The following DNHD1 variants were observed in gnomAD, a reference collection of about 807,000 sequenced individuals.
DNHD1 encodes dynein heavy chain domain 1.
A neutral mutation model predicts 458.1 loss-of-function variants in DNHD1; 383 were observed. The observed-to-expected ratio is 0.84, with a 90% CI of 0.77 to 0.91. The LOEUF (loss-of-function observed/expected upper bound fraction) is 0.91, where lower values mean the gene tolerates loss of function less well. Among genes scored for constraint, DNHD1 ranks in the 40% least tolerant of loss-of-function variants. DNHD1 has a pLI of 0.00. For synonymous variants in DNHD1, 2,203 were observed against 2,376.9 expected (o/e 0.93, Z 2.13); for missense variants, 5,336 against 5,866.1 (o/e 0.91, Z 2.95).
chr11:6,570,099 T>C lies in DNHD1; in HGVS notation c.12954T>C (p.Ala4318=), dbSNP rs1458963924. Residue 4318 remains alanine, a splice_region_variant and synonymous_variant, in exon 40 of 43, where the codon GCT becomes GCC. Transcript: ENST00000254579. ...SNPRAAMQEL[A]ASVFYGGPLG... ...CCCGTGCTGCCATGCAAGAGCTGGC[T>C]GGTGAGACCCTTCCTCTCCCCCTTG... The C allele has an allele frequency of 3.1e-6, 5 of 1,613,732 alleles. No individual in the cohort carries two copies. In the Admixed American group the frequency reaches 8.3e-5, roughly 27 times the overall value.
chr11:6,508,098 T>C (rs1852262604), intron 4 of DNHD1: 1 of 152,154 alleles, frequency 6.6e-6, no homozygotes, highest in South Asian at 2.1e-4. Flanking sequence ...CTCTGAGTTA[T>C]ATAAAGAAAA....
intron 14 of DNHD1, among the ~76,000 whole-genome samples, chr11:6,535,281 A>T (rs930759762): frequency 6.6e-6 from 1 of 152,258 alleles, no homozygotes; most frequent in Admixed American, 6.5e-5. Context: ...ATACGCATGT[A>T]ACTGTGTGTT....
In DNHD1 at chr11:6,564,684, C is replaced by T. The variant is rs1853659415; in HGVS notation, c.10636C>T (p.His3546Tyr). Reference sequence around the variant, plus strand: ...AGGCTTGCTTCTGCGAAGCCCCACACACTACAGTAGTTGCCGTTGGCCTCT... The same window carrying T: ...AGGCTTGCTTCTGCGAAGCCCCACATACTACAGTAGTTGCCGTTGGCCTCT... ...LAGLLLRSPT[H>Y]YSSCRWPLLL... Residue 3546 changes from histidine to tyrosine, a missense_variant, in exon 32 of 43, where the codon CAC (histidine) becomes TAC (tyrosine). Around this residue, in one of 4 missense-constraint regions of DNHD1, gnomAD observed 3,932 missense variants for 4,365.6 expected, o/e 0.90. Transcript: ENST00000254579. 3 of 1,551,602 alleles carry T rather than the reference C, an allele frequency of 1.9e-6. No homozygotes were observed. Among genetic ancestry groups the T allele is most frequent in the South Asian group, 1.2e-5 (1 of 84,070 alleles).
At chr11:6,527,343 T>C (rs184995243) in intron 10 of DNHD1, among the ~76,000 whole-genome samples, 1 of 152,090 alleles carries the variant, frequency 6.6e-6, no homozygotes, top group African/African-American at 2.4e-5. Flanking sequence ...GGGCAGGTGG[T>C]GGTCAATGTG....
Position 6,544,887 on chromosome 11 carries a change from C to G in DNHD1, c.3948C>G (p.Ala1316=), listed in dbSNP as rs556839867. Residue 1316 remains alanine, a synonymous_variant, in exon 21 of 43, where the codon GCC becomes GCG. Transcript: ENST00000254579. ...PMVLSLVVPS[A]ERSPYFQGQQ... is the part of the protein sequence containing the mutation. ...TTCTGTCACTTGTAGTGCCCAGTGCCGAGAGGAGCCCTTACTTCCAAGGCC... is the reference window on the plus strand; with the variant it reads ...TTCTGTCACTTGTAGTGCCCAGTGCGGAGAGGAGCCCTTACTTCCAAGGCC... 1 of 1,551,612 alleles carries G rather than the reference C, an allele frequency of 6.4e-7. No individual in the cohort carries two copies. Among genetic ancestry groups the G allele is most frequent in the Non-Finnish European group, 8.7e-7 (1 of 1,146,972 alleles).
chr11:6,533,862 C>T lies in DNHD1; in HGVS notation c.2687C>T (p.Pro896Leu), dbSNP rs1420979132. The T allele has an allele frequency of 6.4e-6, 10 of 1,551,034 alleles. No homozygotes were observed. The Admixed American group carries it at 7.9e-5, about 12-fold the overall frequency. The change falls in exon 14 of 43, where the codon CCA (proline) becomes CTA (leucine). Residue 896 changes from proline (P) to leucine (L), a missense_variant. By Grantham distance (98) the Pro-to-Leu change is moderately conservative. This residue lies in a region of DNHD1 where 3,932 missense variants were observed against 4,365.6 expected (regional missense o/e 0.90). Coordinates refer to ENST00000254579, the MANE Select transcript of DNHD1 (RefSeq NM_144666.3). ...CCTCCCTGCCCTCCTCCCCCACAAC[C>T]ACATCTACTCCACTGCCCTCTGCTT... ...PIPPCPPPPQ[P>L]HLLHCPLLAP... is the part of the protein sequence containing the mutation.
intron 14 of DNHD1, among the ~76,000 whole-genome samples, chr11:6,535,155 G>A (rs1852918441): frequency 6.6e-6 from 1 of 152,118 alleles, no homozygotes; most frequent in South Asian, 2.1e-4. Flanking sequence ...TCTGAGTTCT[G>A]GAAAAATGTT....
chr11:6,551,081 G>T (rs189139260), intron 24 of DNHD1, among the ~76,000 whole-genome samples: 1 of 152,112 alleles, frequency 6.6e-6, no homozygotes, highest in Non-Finnish European at 1.5e-5. Context: ...CATTCACCAA[G>T]ATAGACCATA....
In DNHD1 at chr11:6,558,660, C is replaced by T. The variant is rs951134733; in HGVS notation, c.9178C>T (p.Leu3060=). 6.4e-7 allele frequency: 1 copy of T among 1,551,228 alleles called. No homozygotes were observed. The highest frequency in any genetic ancestry group is 1.4e-5 in the African/African-American group (1 of 73,184). The change falls in exon 26 of 43, where the codon CTG becomes TTG. Residue 3060 remains leucine (L), a synonymous_variant. Transcript: ENST00000254579. Reference sequence around the variant, plus strand: ...CCTGGCCAAGGTGGCCCAGCATCACCTGGAGGGTGCTCAGAGTGTGCCCCT... The same window carrying T: ...CCTGGCCAAGGTGGCCCAGCATCACTTGGAGGGTGCTCAGAGTGTGCCCCT... ...AALAKVAQHH[L]EGAQSVPLDD...
chr11:6,502,764 A>T lies in DNHD1; in HGVS notation c.758A>T (p.Asp253Val). The stretch of plus-strand genomic sequence containing the variant: ...TTTCTGTCACACAGGTCTCAGCTTG[A>T]CTATGAAGTTCCCAGGGAAAAGGCC... ...VGRKETRSQL[D>V]YEVPREKAFQ... The change falls in exon 4 of 43, where the codon GAC (aspartate) becomes GTC (valine). Residue 253 changes from aspartate (D) to valine (V), a missense_variant. Around this residue, in one of 4 missense-constraint regions of DNHD1, gnomAD observed 3,932 missense variants for 4,365.6 expected, o/e 0.90. Coordinates refer to ENST00000254579, the MANE Select transcript of DNHD1 (RefSeq NM_144666.3). 6.2e-7 allele frequency: 1 copy of T among 1,600,020 alleles called. No homozygotes were observed.
intron 10 of DNHD1, among the ~76,000 whole-genome samples, chr11:6,526,519 AT>A (rs2134403780): frequency 6.6e-6 from 1 of 152,160 alleles, no homozygotes; most frequent in South Asian, 2.1e-4. Flanking sequence ...AAAACTGGAA[AT>A]TTTAGCTTTT....
At chr11:6,562,333 G>T (rs1358111286) in intron 28 of DNHD1, among the ~76,000 whole-genome samples, 2 of 152,120 alleles carry the variant, frequency 1.3e-5, no homozygotes, top group Non-Finnish European at 2.9e-5. Context: ...ATTCATTTGG[G>T]GACATGTGGA....
chr11:6,516,676 G>A lies in DNHD1; in HGVS notation c.1393-2924G>A, dbSNP rs557200363. On this transcript the variant is annotated intron_variant, in intron 7 of 42. Transcript: ENST00000254579. Reference sequence around the variant, plus strand: ...TGTCTCTCTCCCTCCTCCTGGAGGGGCAATGACTTGAGCACTCATTCACTA... The same window carrying A: ...TGTCTCTCTCCCTCCTCCTGGAGGGACAATGACTTGAGCACTCATTCACTA... 2.0e-5 allele frequency among the ~76,000 whole-genome samples: 3 copies of A among 152,184 alleles called. No homozygotes were observed. The East Asian group carries it at 5.8e-4, about 29-fold the overall frequency.
chr11:6,511,052 C>T (rs2723654), intron 6 of DNHD1, among the ~76,000 whole-genome samples: 1 of 152,158 alleles, frequency 6.6e-6, no homozygotes, highest in Non-Finnish European at 1.5e-5. Context: ...GCACATACCC[C>T]AAGCCTTTTC....
At chr11:6,499,080 C>A in intron 3 of DNHD1, 119 bp downstream of exon 3, 2 of 1,152,000 alleles carry the variant, frequency 1.7e-6, no homozygotes, top group Non-Finnish European at 2.4e-6. Flanking sequence ...GGGATTAGCC[C>A]AACTCCACAC....
Position 6,498,693 on chromosome 11 carries a change from C to T in DNHD1, c.478C>T (p.Pro160Ser), listed in dbSNP as rs760337797. The T allele has an allele frequency of 9.9e-6, 16 of 1,614,192 alleles. No homozygotes were observed. The highest frequency in any genetic ancestry group is 1.2e-5 in the Non-Finnish European group (14 of 1,180,042). ...CPQKRRLHHR[P>S]PCPACPFVQA... is the part of the protein sequence containing the mutation. ...CCAGAAGCGGAGGCTCCATCACAGG[C>T]CCCCATGCCCAGCTTGCCCTTTTGT... is the stretch of plus-strand genomic sequence containing the variant. The change falls in exon 3 of 43, where the codon CCC (proline) becomes TCC (serine). Residue 160 changes from proline to serine, a missense_variant. Physicochemically the swap from Pro to Ser is moderately conservative, Grantham distance 74. Transcript: ENST00000254579.
chr11:6,566,367 C>T lies in DNHD1; in HGVS notation c.11180C>T (p.Thr3727Ile). 1 of 1,557,864 alleles carries T rather than the reference C, an allele frequency of 6.4e-7. No individual in the cohort carries two copies. Among genetic ancestry groups the T allele is most frequent in the Non-Finnish European group, 8.7e-7 (1 of 1,150,620 alleles). Reference protein sequence around the residue: ...QPGFCLYLSTTLSLCAMEKVL... With the variant: ...QPGFCLYLSTILSLCAMEKVL... Reference sequence around the variant, plus strand: ...GGCTTCTGTCTGTATCTCAGCACCACCCTCTCCCTCTGTGCCATGGAAAAA... The same window carrying T: ...GGCTTCTGTCTGTATCTCAGCACCATCCTCTCCCTCTGTGCCATGGAAAAA... Residue 3727 changes from threonine (T) to isoleucine (I), a missense_variant, in exon 34 of 43, where the codon ACC becomes ATC. Coordinates refer to ENST00000254579, the MANE Select transcript of DNHD1 (RefSeq NM_144666.3).
At position 6,497,378 on chromosome 11, in the gene DNHD1, C is replaced by A. The variant is rs185621670; in HGVS notation, c.-529+47C>A. The A allele has an allele frequency of 4.2e-3, 642 of 152,682 alleles. 1 individual carries two copies. The highest frequency in any genetic ancestry group is 5.9e-3 in the Non-Finnish European group (401 of 68,300). The allele number at this position is 152,682 out of a possible 1,614,324, so 9.5% of individuals were successfully genotyped here. Reference sequence around the variant, plus strand: ...CATTTCTCTTTGTTCCCTAGGACCCCCTCCCACAGAGTCCGCCTCCTCTTC... The same window carrying A: ...CATTTCTCTTTGTTCCCTAGGACCCACTCCCACAGAGTCCGCCTCCTCTTC... On this transcript the variant is annotated intron_variant, in intron 1 of 42. Coordinates refer to ENST00000254579, the MANE Select transcript of DNHD1 (RefSeq NM_144666.3).
At chr11:6,514,944 T>C (rs1241374561) in intron 7 of DNHD1, among the ~76,000 whole-genome samples, 1 of 152,174 alleles carries the variant, frequency 6.6e-6, no homozygotes, top group African/African-American at 2.4e-5. Context: ...TGATGAGACA[T>C]GAATATGAGA....
Sources: allele counts gnomAD v4.1 joint callset (sites outside exome capture counted in the v4.1 genomes callset), GRCh38; gene constraint gnomAD v4.1.1; regional missense constraint gnomAD v4.1.1; transcripts MANE v1.5; gene names NCBI Gene and HGNC (gene_info 2026-07-23, HGNC 2026-07-21).